Variants in AKTIP observed in about 807,000 individuals in gnomAD.
The protein encoded by AKTIP is AKT interacting protein, also known as AKT-interacting protein.
In AKTIP, 16 loss-of-function variants were observed where a neutral mutation model predicts 39.1. The ratio of observed to expected loss-of-function variants is 0.41; its 90% CI spans 0.28 to 0.62. AKTIP has a LOEUF of 0.62. AKTIP is among the 20% of genes least tolerant of loss of function. AKTIP has a pLI of 0.32. For missense variants in AKTIP, 262 were observed against 356.6 expected, an observed-to-expected ratio of 0.73 and a Z score of 2.14; for synonymous variants, 93 against 124.3, an observed-to-expected ratio of 0.75 and a Z score of 1.67.
chr16:53,499,104 T>A lies in AKTIP; in HGVS notation c.43-508A>T, dbSNP rs1962013935. On this transcript the variant is annotated intron_variant, in intron 2 of 9. Transcript: ENST00000394657. ...CTTGCCTGGGTCTGATTTTGATTTG[T>A]CCCTACTGGGTATGTTTCAACATTT... 3.3e-5 allele frequency among the ~76,000 whole-genome samples: 5 copies of A among 152,324 alleles called. No individual in the cohort carries two copies. The South Asian group carries it at 8.3e-4, about 25-fold the overall frequency.
At chr16:53,495,237 A>C in intron 4 of AKTIP, 25 bp downstream of exon 4, 1 of 1,614,034 alleles carries the variant, frequency 6.2e-7, no homozygotes. Flanking sequence ...TGTGCCCATA[A>C]ATTAAGAGTG....
chr16:53,491,079 T>A lies in AKTIP; in HGVS notation c.*1333A>T, dbSNP rs575431724. ...TTTCTTTAATGCTTTTATATTTTTTTAAAATGTTAAAACCCCTATAGCCAC... is the reference window on the plus strand; with the variant it reads ...TTTCTTTAATGCTTTTATATTTTTTAAAAATGTTAAAACCCCTATAGCCAC... On this transcript the variant is annotated 3_prime_UTR_variant, in exon 10 of 10. Coordinates refer to ENST00000394657, the MANE Select transcript of AKTIP (RefSeq NM_022476.4). 1.1e-3 allele frequency: 173 copies of A among 152,776 alleles called. No individual in the cohort carries two copies. Among genetic ancestry groups the A allele is most frequent in the African/African-American group, 4.0e-3 (165 of 41,582 alleles). The allele number at this position is 152,776 out of a possible 1,614,324, so 9.5% of individuals were successfully genotyped here. A position where few individuals can be genotyped will look rare whatever the true frequency, so the allele number is the denominator to read the frequency against.
At chr16:53,498,634 G>T in intron 2 of AKTIP, 38 bp from the exon 3 acceptor site, 1 of 1,578,846 alleles carries the variant, frequency 6.3e-7, no homozygotes, top group South Asian at 1.1e-5. Flanking sequence ...CTGTTAGGAT[G>T]ATTCTTAAAT....
intron 1 of AKTIP, chr16:53,501,568 C>CGTTT (rs1256620525): frequency 1.3e-5 from 2 of 152,140 alleles, no homozygotes; most frequent in Non-Finnish European, 2.9e-5. Context: ...ACCAATCAAA[C>CGTTT]GGCTGAAGGT....
At chr16:53,503,631 C>T (rs1476990384), upstream of AKTIP, among the ~76,000 whole-genome samples, 1 of 152,208 alleles carries the variant, frequency 6.6e-6, no homozygotes, top group Non-Finnish European at 1.5e-5. Context: ...ACAGCGCAAC[C>T]GCCATGCGCA....
chr16:53,503,000 C>CGCCTCCGTGTCCCACTGCG (rs1231630718), intron 1 of AKTIP, 147 bp downstream of exon 1: 4 of 152,338 alleles, frequency 2.6e-5, no homozygotes, highest in African/African-American at 9.6e-5. Flanking sequence ...TGCCCGGCCC[C>CGCCTCCGTGTCCCACTGCG]GCCTCCGTGT....
In AKTIP at chr16:53,498,501, A is replaced by G. The variant is rs750978594; in HGVS notation, c.138T>C (p.Asn46=). ...PKKQLPSIPK[N]ALPITKPTSP... The stretch of plus-strand genomic sequence containing the variant: ...ATGTAGGCTTAGTTATGGGCAAAGC[A>G]TTTTTGGGAATAGAAGGCAGCTGTT... The change falls in exon 3 of 10, where the codon AAT becomes AAC. Residue 46 remains asparagine (N), a synonymous_variant. Transcript: ENST00000394657. The G allele has an allele frequency of 1.2e-6, 2 of 1,614,062 alleles. No individual in the cohort carries two copies.
chr16:53,503,259 GCC>G (rs1381452800), upstream of AKTIP: 13 of 37,060 alleles, frequency 3.5e-4, 1 homozygote, highest in Non-Finnish European at 1.7e-4. Flanking sequence ...GCCCCACCCC[GCC>G]CTGCCCTGCC....
chr16:53,493,978 A>G (rs1017926008), intron 8 of AKTIP, 160 bp downstream of exon 8: 7 of 599,738 alleles, frequency 1.2e-5, no homozygotes, highest in East Asian at 5.5e-5. Context: ...GAAGAGCCTC[A>G]AGAGGCATCA....
chr16:53,499,815 A>AT (rs2150868800), intron 2 of AKTIP, among the ~76,000 whole-genome samples: 1 of 152,256 alleles, frequency 6.6e-6, no homozygotes, highest in East Asian at 1.9e-4. Context: ...ATGAAAATAT[A>AT]TTTTTAAAAA....
chr16:53,500,375 T>C, intron 1 of AKTIP, 46 bp from the exon 2 acceptor site: 2 of 1,326,828 alleles, frequency 1.5e-6, no homozygotes, highest in Non-Finnish European at 2.0e-6. Flanking sequence ...ACACCAACCA[T>C]TAAGACTTTT....
rs780558074 is a variant in AKTIP, at chr16:53,498,528, C to G, written c.111G>C (p.Lys37Asn). Residue 37 changes from lysine to asparagine, a missense_variant, in exon 3 of 10, where the codon AAG (lysine) becomes AAC (asparagine). Transcript: ENST00000394657. ...VKTSPPRTAP[K>N]KQLPSIPKNA... ...TTTTGGGAATAGAAGGCAGCTGTTTCTTTGGTGCAGTTCGTGGAGGACTGG... is the reference window on the plus strand; with the variant it reads ...TTTTGGGAATAGAAGGCAGCTGTTTGTTTGGTGCAGTTCGTGGAGGACTGG... 6.8e-6 allele frequency: 11 copies of G among 1,613,992 alleles called. No homozygotes were observed. In the Admixed American group the frequency reaches 1.8e-4, roughly 27 times the overall value.
upstream of AKTIP, among the ~76,000 whole-genome samples, chr16:53,503,617 G>A (rs1342515975): frequency 3.9e-5 from 6 of 152,322 alleles, no homozygotes; most frequent in Admixed American, 2.6e-4. Flanking sequence ...TATTCGCACA[G>A]CCCACAGCGC....
chr16:53,503,936 G>T (rs574459754), upstream of AKTIP, among the ~76,000 whole-genome samples: 2 of 151,872 alleles, frequency 1.3e-5, no homozygotes, highest in African/African-American at 4.8e-5. Context: ...ATCTGTGTGT[G>T]TCGGCCCCGA....
intron 1 of AKTIP, among the ~76,000 whole-genome samples, chr16:53,502,212 C>A (rs901188432): frequency 2.0e-5 from 3 of 152,214 alleles, no homozygotes; most frequent in Non-Finnish European, 2.9e-5. Flanking sequence ...ATCTTTTAAT[C>A]CAATGTTTCC....
intron 8 of AKTIP, 169 bp downstream of exon 8, chr16:53,493,969 A>C (rs755435072): frequency 4.6e-5 from 26 of 570,688 alleles, no homozygotes; most frequent in Non-Finnish European, 7.5e-5. Context: ...TGTTTAAGAG[A>C]AGAGCCTCAA....
rs970547348 is a variant in AKTIP at position 53,494,056 on chromosome 16, C to G, written c.710+82G>C. Reference sequence around the variant, plus strand: ...GCTTATGCATGTGCCTTTTTATATCCCTATTCTGAGACCACCTGGAGAAAG... The same window carrying G: ...GCTTATGCATGTGCCTTTTTATATCGCTATTCTGAGACCACCTGGAGAAAG... On this transcript the variant is annotated intron_variant, in intron 8 of 9. Coordinates refer to ENST00000394657, the MANE Select transcript of AKTIP (RefSeq NM_022476.4). 6 of 1,099,084 alleles carry G rather than the reference C, an allele frequency of 5.5e-6. No individual in the cohort carries two copies. The Admixed American group carries it at 5.5e-5, about 10-fold the overall frequency. The allele number at this position is 1,099,084 out of a possible 1,614,324, so 68.1% of individuals were successfully genotyped here.
In AKTIP at chr16:53,498,367, C is replaced by T. The variant is rs753017265; in HGVS notation, c.248+24G>A. 10 of 1,610,194 alleles carry T rather than the reference C, an allele frequency of 6.2e-6. No homozygotes were observed. In the African/African-American group the frequency reaches 1.1e-4, roughly 17 times the overall value. ...CTTTAAAGGATCATTCCTAATTTAA[C>T]CAAATAGTTTGTTAAGGACTTACAA... On this transcript the variant is annotated intron_variant, in intron 3 of 9. Coordinates refer to ENST00000394657, the MANE Select transcript of AKTIP (RefSeq NM_022476.4).
chr16:53,494,826 G>A (rs1036176234), intron 5 of AKTIP: 17 of 710,274 alleles, frequency 2.4e-5, no homozygotes, highest in Non-Finnish European at 4.3e-5. Context: ...AGAGCCTGAG[G>A]GCCACCATTC....
Sources: allele counts gnomAD v4.1 joint callset (sites outside exome capture counted in the v4.1 genomes callset), GRCh38; gene constraint gnomAD v4.1.1; transcripts MANE v1.5; gene names NCBI Gene and HGNC (gene_info 2026-07-23, HGNC 2026-07-21).